The following PARD3 variants were observed in gnomAD, a reference collection of about 807,000 sequenced individuals.
PARD3 encodes partitioning defective 3 homolog.
Under a neutral mutation model 155.4 loss-of-function variants are expected in PARD3, and 75 were observed. The observed-to-expected ratio is 0.48, with a 90% CI of 0.40 to 0.58. The LOEUF (loss-of-function observed/expected upper bound fraction) is 0.58, where lower values mean the gene tolerates loss of function less well. Among genes scored for constraint, PARD3 ranks in the 20% least tolerant of loss-of-function variants. The pLI is 0.00. For missense variants in PARD3, 1,642 were observed against 1,721.7 expected (o/e 0.95, Z 0.82); for synonymous variants, 576 against 610.5 (o/e 0.94, Z 0.83).
At chr10:34,767,849 G>T (rs534179572) in intron 1 of PARD3, among the ~76,000 whole-genome samples, 4 of 151,864 alleles carry the variant, frequency 2.6e-5, no homozygotes, top group Non-Finnish European at 5.9e-5. Context: ...CCAGCTACTT[G>T]GGAGGCTGTG....
chr10:34,184,177 C>T (rs781015276), intron 22 of PARD3, among the ~76,000 whole-genome samples: 15 of 152,066 alleles, frequency 9.9e-5, no homozygotes, highest in Admixed American at 2.6e-4. Context: ...CTGAGGTTTC[C>T]GACCAAGTAT....
chr10:34,602,444 G>A (rs2089873276), intron 2 of PARD3, among the ~76,000 whole-genome samples: 2 of 152,152 alleles, frequency 1.3e-5, no homozygotes, highest in Admixed American at 1.3e-4. Context: ...TACTAGGGTG[G>A]TGTAAAAATA....
At chr10:34,256,775 A>G (rs2133777162) in intron 22 of PARD3, among the ~76,000 whole-genome samples, 1 of 142,856 alleles carries the variant, frequency 7.0e-6, no homozygotes, top group Admixed American at 6.8e-5. Flanking sequence ...AGAAATGTAT[A>G]TATACAACAA....
chr10:34,382,654 CCGAGGGGTGTGCGCT>C lies in PARD3; in HGVS notation c.1270_1284del (p.Ser424_Ser428del), dbSNP rs780020399. ...GAGGCTGGAGCGGATGGTGGTTTTCCCGAGGGGTGTGCGCTATGAGGTAGTCTTGAGTGAGAGTCT... is the reference window on the plus strand; with the variant it reads ...GAGGCTGGAGCGGATGGTGGTTTTCCATGAGGTAGTCTTGAGTGAGAGTCT... On this transcript the variant is annotated inframe_deletion, in exon 9 of 25. Coordinates refer to ENST00000374788, the MANE Select transcript of PARD3 (RefSeq NM_001184785.2). The C allele has an allele frequency of 1.2e-6, 2 of 1,613,984 alleles. No individual in the cohort carries two copies. The highest frequency in any genetic ancestry group is 3.3e-5 in the Admixed American group (2 of 59,986).
intron 1 of PARD3, among the ~76,000 whole-genome samples, chr10:34,795,898 A>AATAACATAAC (rs151143590): frequency 0.039 from 5,853 of 151,610 alleles, 309 homozygotes; most frequent in African/African-American, 0.12. Flanking sequence ...CCATCTCAAA[A>AATAACATAAC]ATAACATAAC....
At chr10:34,609,700 G>A (rs755109996) in intron 2 of PARD3, among the ~76,000 whole-genome samples, 1 of 152,020 alleles carries the variant, frequency 6.6e-6, no homozygotes, top group Non-Finnish European at 1.5e-5. Context: ...ACCATGTCCT[G>A]TTATTTTTAT....
intron 2 of PARD3, among the ~76,000 whole-genome samples, chr10:34,607,830 G>A (rs1372588510): frequency 1.3e-5 from 2 of 152,164 alleles, no homozygotes; most frequent in African/African-American, 2.4e-5. Context: ...GAAACATTTA[G>A]GTGCTTTTCT....
At chr10:34,296,698 G>T (rs1348054000) in intron 20 of PARD3, among the ~76,000 whole-genome samples, 1 of 152,188 alleles carries the variant, frequency 6.6e-6, no homozygotes, top group African/African-American at 2.4e-5. Context: ...GTAACAATCA[G>T]TACATGCTGA....
intron 2 of PARD3, among the ~76,000 whole-genome samples, chr10:34,564,576 C>T (rs560739526): frequency 1.8e-4 from 27 of 152,242 alleles, no homozygotes; most frequent in African/African-American, 4.8e-4. Flanking sequence ...CTCTGTGATT[C>T]GGAAAAGAGC....
chr10:34,768,480 G>C (rs1838415334), intron 1 of PARD3, among the ~76,000 whole-genome samples: 1 of 150,590 alleles, frequency 6.6e-6, no homozygotes, highest in Admixed American at 6.6e-5. Context: ...ACAAATGGTT[G>C]CATTCTTTTG....
intron 4 of PARD3, among the ~76,000 whole-genome samples, chr10:34,464,103 A>G (rs2077853619): frequency 7.1e-6 from 1 of 141,682 alleles, no homozygotes; most frequent in Non-Finnish European, 1.5e-5. Context: ...TTTCAGCTAG[A>G]CCCGAGGTCC....
At chr10:34,477,550 G>A (rs576260979) in intron 3 of PARD3, among the ~76,000 whole-genome samples, 40 of 152,164 alleles carry the variant, frequency 2.6e-4, no homozygotes, top group Non-Finnish European at 4.7e-4. Context: ...TCTAGGTAAG[G>A]TGCCTTTTAA....
At chr10:34,484,178 C>T (rs2079283144) in intron 3 of PARD3, among the ~76,000 whole-genome samples, 1 of 152,208 alleles carries the variant, frequency 6.6e-6, no homozygotes, top group African/African-American at 2.4e-5. Flanking sequence ...TCCCATTCTT[C>T]AGCCTCAACT....
At chr10:34,161,628 C>T (rs147328084) in intron 22 of PARD3, among the ~76,000 whole-genome samples, 6 of 152,242 alleles carry the variant, frequency 3.9e-5, no homozygotes, top group East Asian at 1.9e-4. Context: ...AGCACCATGA[C>T]GGTTGACAAT....
intron 22 of PARD3, among the ~76,000 whole-genome samples, chr10:34,200,244 G>A (rs1194113946): frequency 6.6e-6 from 1 of 152,082 alleles, no homozygotes; most frequent in African/African-American, 2.4e-5. Context: ...TTAAGTAACT[G>A]GTATAATGTC....
intron 2 of PARD3, among the ~76,000 whole-genome samples, chr10:34,567,205 T>C (rs1226038489): frequency 6.6e-6 from 1 of 152,178 alleles, no homozygotes; most frequent in Non-Finnish European, 1.5e-5. Context: ...ATAGAGAAAA[T>C]GATACTGAAC....
chr10:34,671,461 A>C (rs2093609340), intron 2 of PARD3, among the ~76,000 whole-genome samples: 1 of 152,346 alleles, frequency 6.6e-6, no homozygotes, highest in East Asian at 1.9e-4. Context: ...TTTTAAAAAA[A>C]CTTTAAAATT....
intron 2 of PARD3, among the ~76,000 whole-genome samples, chr10:34,560,631 G>C (rs1220157323): frequency 6.6e-6 from 1 of 152,202 alleles, no homozygotes; most frequent in Non-Finnish European, 1.5e-5. Context: ...GTCAACAGAT[G>C]CAAGAATTTT....
intron 22 of PARD3, among the ~76,000 whole-genome samples, chr10:34,259,655 C>T (rs1954850739): frequency 6.6e-6 from 1 of 152,170 alleles, no homozygotes; most frequent in Admixed American, 6.5e-5. Flanking sequence ...GAAGCATTAT[C>T]ATGCCCATCA....
Sources: allele counts gnomAD v4.1 joint callset (sites outside exome capture counted in the v4.1 genomes callset), GRCh38; gene constraint gnomAD v4.1.1; transcripts MANE v1.5; gene names NCBI Gene and HGNC (gene_info 2026-07-23, HGNC 2026-07-21).